The following LIAT1 variants were observed in gnomAD, a reference collection of about 807,000 sequenced individuals.
The protein encoded by LIAT1 is protein LIAT1.
At chr17:413,415 T>C in the LIAT1 span, 2 of 1,614,174 alleles carry the variant, frequency 1.2e-6, no homozygotes, top group South Asian at 2.2e-5. Flanking sequence ...ATCTATAAAC[T>C]GAATCGGAGA....
chr17:413,224 G>C, the LIAT1 span: 125 of 1,614,224 alleles, frequency 7.7e-5, no homozygotes, highest in African/African-American at 1.6e-3. Flanking sequence ...CTTGCAAAGA[G>C]CGTGGCCCGA....
At chr17:413,305 C>T in the LIAT1 span, 7 of 1,614,248 alleles carry the variant, frequency 4.3e-6, no homozygotes, top group African/African-American at 1.3e-5. Flanking sequence ...TCAGCCTCCC[C>T]GACTTTGCCG....
the LIAT1 span, chr17:413,152 ACAT>A: frequency 6.2e-7 from 1 of 1,613,704 alleles, no homozygotes; most frequent in South Asian, 1.1e-5. Flanking sequence ...CAGCAGATAA[ACAT>A]CAGAGTCAGA....
chr17:413,966 C>A, the LIAT1 span: 8 of 1,614,064 alleles, frequency 5.0e-6, no homozygotes, highest in Non-Finnish European at 6.8e-6. Context: ...CGAGGAGGCC[C>A]CTGAGAACTT....
At chr17:411,352 C>T in the LIAT1 span, among the ~76,000 whole-genome samples, 1 of 152,182 alleles carries the variant, frequency 6.6e-6, no homozygotes, top group Non-Finnish European at 1.5e-5. Flanking sequence ...CTCCCCCCAC[C>T]TTCTATCAAT....
At chr17:413,467 C>A in the LIAT1 span, 11 of 1,573,958 alleles carry the variant, frequency 7.0e-6, no homozygotes, top group South Asian at 1.1e-5. Context: ...TCCACCCCGA[C>A]CCCGAGGCCC....
chr17:410,443 G>T, the LIAT1 span: 1 of 1,538,964 alleles, frequency 6.5e-7, no homozygotes, highest in Non-Finnish European at 8.7e-7. Context: ...TTGCAGCCCA[G>T]CGGGCGGCTG....
At chr17:413,302 C>A in the LIAT1 span, 1 of 1,614,260 alleles carries the variant, frequency 6.2e-7, no homozygotes, top group Non-Finnish European at 8.5e-7. Flanking sequence ...CCGTCAGCCT[C>A]CCCGACTTTG....
the LIAT1 span, chr17:410,425 G>T: frequency 2.0e-6 from 3 of 1,537,086 alleles, no homozygotes; most frequent in East Asian, 2.5e-5. Context: ...CCCCCGGGGC[G>T]GGTTGGGTTG....
the LIAT1 span, chr17:410,402 C>T: frequency 7.2e-6 from 11 of 1,526,860 alleles, no homozygotes; most frequent in South Asian, 1.2e-5. Context: ...TAGTCGGCAT[C>T]GGGCCTCGGG....
the LIAT1 span, chr17:410,403 G>A: frequency 6.5e-7 from 1 of 1,527,502 alleles, no homozygotes; most frequent in Non-Finnish European, 8.7e-7. Context: ...AGTCGGCATC[G>A]GGCCTCGGGC....
the LIAT1 span, among the ~76,000 whole-genome samples, chr17:411,268 C>T: frequency 6.6e-6 from 1 of 152,232 alleles, no homozygotes; most frequent in Non-Finnish European, 1.5e-5. Flanking sequence ...ATCCCTGACA[C>T]CCTCAACCAC....
At chr17:412,796 A>G in the LIAT1 span, among the ~76,000 whole-genome samples, 4 of 152,190 alleles carry the variant, frequency 2.6e-5, no homozygotes, top group Admixed American at 1.3e-4. Context: ...AGAATGGGGC[A>G]TTGGGGGCCC....
At chr17:410,396 C>T in the LIAT1 span, 9 of 1,524,166 alleles carry the variant, frequency 5.9e-6, no homozygotes, top group African/African-American at 2.8e-5. Context: ...GCCGATTAGT[C>T]GGCATCGGGC....
the LIAT1 span, chr17:414,258 A>C: frequency 9.5e-7 from 1 of 1,048,282 alleles, no homozygotes; most frequent in Non-Finnish European, 1.4e-6. The surrounding 1 kb of genome is among the most constrained non-coding windows in gnomAD (Gnocchi z 4.1). Context: ...CTCTCCCATC[A>C]CCAAGCTGCC....
the LIAT1 span, chr17:413,040 C>A: frequency 1.5e-6 from 2 of 1,347,914 alleles, no homozygotes; most frequent in African/African-American, 1.5e-5. Context: ...GCCCTGGGTA[C>A]GGAGGGGCCC....
chr17:413,181 C>T, the LIAT1 span: 32 of 1,614,038 alleles, frequency 2.0e-5, no homozygotes, highest in Middle Eastern at 1.6e-4. Flanking sequence ...AAGAGCCAGC[C>T]GCTTTCTTCC....
the LIAT1 span, chr17:414,163 G>C: frequency 7.6e-6 from 12 of 1,573,440 alleles, no homozygotes; most frequent in Non-Finnish European, 1.0e-5. The surrounding 1 kb of genome is among the most constrained non-coding windows in gnomAD (Gnocchi z 4.1). Flanking sequence ...CTCACCACAA[G>C]TTTATGTGTT....
the LIAT1 span, chr17:413,037 G>A: frequency 4.6e-6 from 6 of 1,295,504 alleles, no homozygotes; most frequent in Non-Finnish European, 6.4e-6. Flanking sequence ...TGAGCCCTGG[G>A]TACGGAGGGG....
Sources: gnomAD v4.1 joint callset for allele counts (sites outside exome capture counted in the v4.1 genomes callset) on GRCh38, gnomAD v4.1.1 for gene constraint, Gnocchi (gnomAD v3.1) non-coding constraint, MANE v1.5 for transcripts, NCBI Gene and HGNC (gene_info 2026-07-23, HGNC 2026-07-21) for gene names.